The following SLCO2B1 variants were observed in gnomAD, a reference collection of about 807,000 sequenced individuals.
SLCO2B1 encodes the protein solute carrier organic anion transporter family member 2B1, also known as OATP-RP2.
Under a neutral mutation model 67.3 loss-of-function variants are expected in SLCO2B1, and 41 were observed. The observed-to-expected ratio is 0.61, with a 90% confidence interval of 0.47 to 0.79. The LOEUF is 0.79. SLCO2B1 is among the 30% of genes least tolerant of loss of function. The probability of loss-of-function intolerance (pLI) is 0.00; values close to 1 mark genes in which losing one functional copy is unlikely to be tolerated. For missense variants in SLCO2B1, 837 were observed against 920.1 expected (o/e 0.91, Z 1.17); for synonymous variants, 379 against 381.4 (o/e 0.99, Z 0.07).
rs150342435 is a variant in SLCO2B1 at position 75,196,646 on chromosome 11, C to T, written c.1566C>T (p.Ser522=). The change falls in exon 10 of 14, where the codon AGC becomes AGT. Residue 522 remains serine, a synonymous_variant. Transcript: ENST00000289575. ...YITPCHAGCS[S]WVVQDALDNS... ...CACCCTGCCACGCAGGCTGCTCAAGCTGGGTGGTCCAGGATGCTCTGGACA... is the reference window on the plus strand; with the variant it reads ...CACCCTGCCACGCAGGCTGCTCAAGTTGGGTGGTCCAGGATGCTCTGGACA... 134 of 1,613,892 alleles carry T rather than the reference C, an allele frequency of 8.3e-5. No homozygotes were observed. The African/African-American group carries it at 1.6e-3, about 19-fold the overall frequency.
chr11:75,190,039 G>GA (rs1381097020), intron 8 of SLCO2B1, among the ~76,000 whole-genome samples: 1 of 151,970 alleles, frequency 6.6e-6, no homozygotes, highest in African/African-American at 2.4e-5. Flanking sequence ...CCCAGGGAAA[G>GA]AGAGGGCTTG....
intron 7 of SLCO2B1, among the ~76,000 whole-genome samples, chr11:75,182,313 G>C (rs56851827): frequency 0.026 from 3,906 of 152,288 alleles, 74 homozygotes; most frequent in African/African-American, 0.049. Context: ...TTTGGTTTGA[G>C]AGCCTGCTCT....
rs1453958597 is a variant in SLCO2B1, at chr11:75,164,669, T to C, written c.285+569T>C. 2.6e-5 allele frequency among the ~76,000 whole-genome samples: 4 copies of C among 151,904 alleles called. No homozygotes were observed. The East Asian group carries it at 7.8e-4, about 29-fold the overall frequency. On this transcript the variant is annotated intron_variant, in intron 3 of 13. Transcript: ENST00000289575. ...CCTTCAGTCCTTCCCCCGCCAGATG[T>C]TTTTACCCTGAAGGAAGTTGTCTTT...
Position 75,165,945 on chromosome 11 carries a change from C to T in SLCO2B1, c.444C>T (p.Ser148=). Residue 148 remains serine, a synonymous_variant, in exon 4 of 14, where the codon AGC becomes AGT. Transcript: ENST00000289575. The part of the protein sequence containing the change: ...ISEPYRYDNT[S]PEDMPQDFKA... ...AGCCATACCGCTACGACAACACCAG[C>T]CCTGGTAAGAGCAGCAGGGGCTGGG... 1 of 1,613,628 alleles carries T rather than the reference C, an allele frequency of 6.2e-7. No homozygotes were observed. Among genetic ancestry groups the T allele is most frequent in the Non-Finnish European group, 8.5e-7 (1 of 1,179,660 alleles).
Position 75,172,493 on chromosome 11 carries a change from A to G in SLCO2B1, c.896A>G (p.Lys299Arg), listed in dbSNP as rs1437075801. The G allele has an allele frequency of 6.2e-6, 10 of 1,614,018 alleles. No individual in the cohort carries two copies. Among genetic ancestry groups the G allele is most frequent in the African/African-American group, 1.3e-5 (1 of 74,912 alleles). Reference protein sequence around the residue: ...LAAIPYFFFPKEMPKEKRELQ... With the variant: ...LAAIPYFFFPREMPKEKRELQ... ...GCCATCCCCTACTTCTTCTTCCCCA[A>G]GGAAATGCCCAAGGAAAAACGTGAG... Residue 299 changes from lysine to arginine, a missense_variant, in exon 7 of 14, where the codon AAG becomes AGG. Transcript: ENST00000289575.
rs761153901 is a variant in SLCO2B1, at chr11:75,188,170, A to T, written c.1007A>T (p.Glu336Val). Residue 336 changes from glutamate to valine, a missense_variant, in exon 8 of 14, where the codon GAG becomes GTG. Glu to Val is a moderately radical substitution (Grantham distance 121). Transcript: ENST00000289575. ...TCTCCCTCTAAGCAGAGCCCTGGGG[A>T]GTCCACGAAGAAGCAGGATGGCCTA... ...KDSPSKQSPG[E>V]STKKQDGLVQ... 1.2e-6 allele frequency: 2 copies of T among 1,613,876 alleles called. No homozygotes were observed. The highest frequency in any genetic ancestry group is 1.7e-6 in the Non-Finnish European group (2 of 1,179,954).
intron 7 of SLCO2B1, among the ~76,000 whole-genome samples, chr11:75,187,523 C>T (rs971501892): frequency 4.6e-5 from 7 of 151,898 alleles, no homozygotes; most frequent in Non-Finnish European, 7.4e-5. Flanking sequence ...ATGGCAGTGG[C>T]GATGGAGATG....
At chr11:75,194,479 C>T (rs1365512412) in intron 9 of SLCO2B1, among the ~76,000 whole-genome samples, 2 of 152,182 alleles carry the variant, frequency 1.3e-5, no homozygotes, top group African/African-American at 2.4e-5. Context: ...GGGCTCAGCT[C>T]AGGGCCAAGG....
At chr11:75,172,935 A>AAG (rs1218808241) in intron 7 of SLCO2B1, among the ~76,000 whole-genome samples, 1 of 151,918 alleles carries the variant, frequency 6.6e-6, no homozygotes, top group Non-Finnish European at 1.5e-5. Flanking sequence ...TCTCAAAAAA[A>AAG]AAAAAAATTA....
chr11:75,161,347 T>C (rs916189759), intron 1 of SLCO2B1, among the ~76,000 whole-genome samples: 2 of 152,192 alleles, frequency 1.3e-5, no homozygotes, highest in African/African-American at 4.8e-5. Flanking sequence ...ATGAAAATAT[T>C]CTGGAATTAG....
chr11:75,196,231 G>C (rs1456283101), intron 9 of SLCO2B1: 3 of 348,190 alleles, frequency 8.6e-6, no homozygotes, highest in African/African-American at 6.4e-5. Context: ...TAACTTCTGG[G>C]AGGAATTTAT....
chr11:75,204,113 TAAA>T (rs1945231539), intron 13 of SLCO2B1: 1 of 274,522 alleles, frequency 3.6e-6, no homozygotes, highest in Non-Finnish European at 6.8e-6. Flanking sequence ...TGGCGCAATA[TAAA>T]ATTGCACTTG....
rs1216935832 is a variant in SLCO2B1 at position 75,193,446 on chromosome 11, T to C, written c.1304T>C (p.Leu435Pro). The C allele has an allele frequency of 6.2e-7, 1 of 1,613,598 alleles. No individual in the cohort carries two copies. Among genetic ancestry groups the C allele is most frequent in the Non-Finnish European group, 8.5e-7 (1 of 1,179,602 alleles). The change falls in exon 9 of 14, where the codon CTC becomes CCC. Residue 435 changes from leucine (L) to proline (P), a missense_variant. Physicochemically the swap from Leu to Pro is moderately conservative, Grantham distance 98. Transcript: ENST00000289575. The surrounding 1 kb of genome is among the most constrained non-coding windows in gnomAD (Gnocchi z 4.2). ...GTGGGTGGCGTCCTGGTCAAGCGGC[T>C]CCACCTGGGCCCTGTGGGATGCGGT... ...IVVGGVLVKR[L>P]HLGPVGCGAL...
chr11:75,204,541 G>A lies in SLCO2B1; in HGVS notation c.2091G>A (p.Val697=), dbSNP rs57141326. 3,869 of 1,612,800 alleles carry A rather than the reference G, an allele frequency of 2.4e-3. 79 individuals carry two copies. The African/African-American group carries it at 0.044, about 19-fold the overall frequency. ...CTGCCGTAGAGCAGCAATTGCTAGT[G>A]TCGGGGCCAGGGAAGAAGCCAGAGG... The part of the protein sequence containing the change: ...SSPAVEQQLL[V]SGPGKKPEDS... Residue 697 remains valine (V), a synonymous_variant, in exon 14 of 14, where the codon GTG becomes GTA. Coordinates refer to ENST00000289575, the MANE Select transcript of SLCO2B1 (RefSeq NM_007256.5).
Position 75,200,312 on chromosome 11 carries a change from C to T in SLCO2B1, c.1688C>T (p.Pro563Leu). The change falls in exon 11 of 14, where the codon CCC becomes CTC. Residue 563 changes from proline to leucine, a missense_variant. Coordinates refer to ENST00000289575, the MANE Select transcript of SLCO2B1 (RefSeq NM_007256.5). ...TCAACGTGCAGCCATCTGGTGGTGC[C>T]CTTCCTGCTCCTGGTCAGCCTGGGC... ...CDSTCSHLVV[P>L]FLLLVSLGSA... The T allele has an allele frequency of 1.9e-6, 3 of 1,613,794 alleles. No homozygotes were observed. The highest frequency in any genetic ancestry group is 2.5e-6 in the Non-Finnish European group (3 of 1,179,960).
intron 1 of SLCO2B1, among the ~76,000 whole-genome samples, chr11:75,162,097 A>G (rs1415390214): frequency 6.6e-6 from 1 of 152,086 alleles, no homozygotes; most frequent in African/African-American, 2.4e-5. Context: ...CTCTGTGATG[A>G]CATGCACAGG....
intron 7 of SLCO2B1, among the ~76,000 whole-genome samples, chr11:75,173,545 G>A (rs546445944): frequency 1.3e-5 from 2 of 152,268 alleles, no homozygotes; most frequent in South Asian, 4.2e-4. Flanking sequence ...ATGCTCCAGG[G>A]GTATCTAGAA....
intron 7 of SLCO2B1, among the ~76,000 whole-genome samples, chr11:75,179,217 G>GTT (rs1296670725): frequency 2.0e-5 from 2 of 99,530 alleles, no homozygotes; most frequent in East Asian, 2.4e-4. Flanking sequence ...GGATACATGA[G>GTT]ATTTTTTTTT....
intron 4 of SLCO2B1, among the ~76,000 whole-genome samples, chr11:75,167,720 C>A (rs1013041387): frequency 1.3e-5 from 2 of 152,056 alleles, no homozygotes; most frequent in African/African-American, 4.8e-5. Flanking sequence ...TTAATGTTCA[C>A]GACTCCAGGA....
Sources: gnomAD v4.1 joint callset for allele counts (sites outside exome capture counted in the v4.1 genomes callset) on GRCh38, gnomAD v4.1.1 for gene constraint, Gnocchi (gnomAD v3.1) non-coding constraint, MANE v1.5 for transcripts, NCBI Gene and HGNC (gene_info 2026-07-23, HGNC 2026-07-21) for gene names.